The following MSRB3 variants were observed in gnomAD, a reference collection of about 807,000 sequenced individuals.
MSRB3 encodes the protein methionine sulfoxide reductase B3.
Under a neutral mutation model 21.0 loss-of-function variants are expected in MSRB3, and 13 were observed. The observed-to-expected ratio is 0.62, with a 90% confidence interval of 0.40 to 0.98. The LOEUF (loss-of-function observed/expected upper bound fraction) is 0.98, where lower values mean the gene tolerates loss of function less well. MSRB3 is among the 50% of genes least tolerant of loss of function. The pLI is 0.00. For synonymous variants in MSRB3, 87 were observed against 88.6 expected, an observed-to-expected ratio of 0.98 and a Z score of 0.10; for missense variants, 199 against 230.3, an observed-to-expected ratio of 0.86 and a Z score of 0.88.
chr12:65,418,791 G>T, intron 5 of MSRB3: 2 of 961,534 alleles, frequency 2.1e-6, no homozygotes, highest in Non-Finnish European at 3.3e-6. Flanking sequence ...GGCGGGTGGT[G>T]GTCTTTTGGA....
intron 4 of MSRB3, among the ~76,000 whole-genome samples, chr12:65,337,817 T>C (rs1423976425): frequency 6.6e-6 from 1 of 152,222 alleles, no homozygotes; most frequent in South Asian, 2.1e-4. Context: ...TGGTTTCTGT[T>C]GAATAATTTA....
intron 4 of MSRB3, among the ~76,000 whole-genome samples, chr12:65,347,858 G>T (rs138144971): frequency 2.6e-5 from 4 of 152,124 alleles, no homozygotes; most frequent in African/African-American, 4.8e-5. Context: ...GGTTTTTGTC[G>T]TTGGTTCTGT....
chr12:65,431,361 C>T (rs1407961916), intron 5 of MSRB3, among the ~76,000 whole-genome samples: 1 of 152,038 alleles, frequency 6.6e-6, no homozygotes, highest in Admixed American at 6.6e-5. Context: ...GAGGTTTTCA[C>T]TTGCTGCCTA....
intron 1 of MSRB3, among the ~76,000 whole-genome samples, chr12:65,295,409 A>T (rs939685229): frequency 6.6e-6 from 1 of 151,458 alleles, no homozygotes; most frequent in Non-Finnish European, 1.5e-5. Context: ...CCTTTTAAGG[A>T]TTATTTTTAT....
At chr12:65,388,757 G>A (rs1879319867) in intron 5 of MSRB3, among the ~76,000 whole-genome samples, 1 of 152,094 alleles carries the variant, frequency 6.6e-6, no homozygotes, top group Admixed American at 6.6e-5. Context: ...TGTAGTCCCA[G>A]TTACTCAGAA....
intron 1 of MSRB3, among the ~76,000 whole-genome samples, chr12:65,287,569 AT>A: frequency 6.6e-6 from 1 of 152,318 alleles, no homozygotes. Context: ...GTAAGGTCAT[AT>A]CTTCCTGTAA....
intron 5 of MSRB3, among the ~76,000 whole-genome samples, chr12:65,403,326 T>G (rs2336714): frequency 2.0e-5 from 3 of 151,576 alleles, no homozygotes; most frequent in Non-Finnish European, 4.4e-5. Context: ...GCTAGACAGG[T>G]AGTCTTGGCT....
intron 5 of MSRB3, among the ~76,000 whole-genome samples, chr12:65,410,957 G>A (rs989624463): frequency 6.6e-6 from 1 of 152,058 alleles, no homozygotes; most frequent in Non-Finnish European, 1.5e-5. Context: ...TTCCCTCTGT[G>A]AAACTACCCC....
chr12:65,379,934 G>A (rs903411922), intron 5 of MSRB3, among the ~76,000 whole-genome samples: 9 of 152,132 alleles, frequency 5.9e-5, no homozygotes, highest in Non-Finnish European at 1.2e-4. Flanking sequence ...AAGACATGGC[G>A]AAGGACATAT....
intron 1 of MSRB3, chr12:65,306,823 T>G: frequency 2.0e-6 from 2 of 985,212 alleles, no homozygotes; most frequent in Non-Finnish European, 1.2e-6. Context: ...CCTCAGGTTT[T>G]AATTGTAGAA....
intron 4 of MSRB3, among the ~76,000 whole-genome samples, chr12:65,362,390 G>C (rs1261248431): frequency 6.6e-6 from 1 of 152,130 alleles, no homozygotes; most frequent in East Asian, 1.9e-4. Flanking sequence ...GCTCAGGACT[G>C]GATTAAGTGC....
intron 5 of MSRB3, among the ~76,000 whole-genome samples, chr12:65,436,278 A>G (rs941935753): frequency 6.6e-6 from 1 of 151,968 alleles, no homozygotes; most frequent in African/African-American, 2.4e-5. Context: ...ATCATAATAC[A>G]GTCATCACAG....
chr12:65,425,431 C>A (rs955811999), intron 5 of MSRB3, among the ~76,000 whole-genome samples: 1 of 151,920 alleles, frequency 6.6e-6, no homozygotes, highest in East Asian at 1.9e-4. Flanking sequence ...TCATTTTTTC[C>A]TTTCTCTTTT....
At chr12:65,424,487 A>G (rs1881476867) in intron 5 of MSRB3, among the ~76,000 whole-genome samples, 1 of 152,050 alleles carries the variant, frequency 6.6e-6, no homozygotes, top group Non-Finnish European at 1.5e-5. Flanking sequence ...GCTGCATCCG[A>G]TAAGTGTCAG....
At chr12:65,398,514 GTCA>G (rs1879940399) in intron 5 of MSRB3, among the ~76,000 whole-genome samples, 2 of 152,064 alleles carry the variant, frequency 1.3e-5, no homozygotes, top group Admixed American at 1.3e-4. Flanking sequence ...TTAGCCATTT[GTCA>G]GATGGATAGA....
chr12:65,396,590 C>T (rs1362800014), intron 5 of MSRB3, among the ~76,000 whole-genome samples: 1 of 151,700 alleles, frequency 6.6e-6, no homozygotes, highest in African/African-American at 2.4e-5. Context: ...ACTCAGGAGG[C>T]TGAGGCAGGA....
intron 5 of MSRB3, among the ~76,000 whole-genome samples, chr12:65,430,746 A>C (rs193218382): frequency 4.3e-4 from 66 of 152,170 alleles, no homozygotes; most frequent in Non-Finnish European, 4.3e-4. Flanking sequence ...AAATTTGAAG[A>C]CTAAGAACCT....
chr12:65,428,895 C>G (rs1427637836), intron 5 of MSRB3, among the ~76,000 whole-genome samples: 1 of 152,072 alleles, frequency 6.6e-6, no homozygotes. Flanking sequence ...CTTTTTTTCC[C>G]CATAAGATAG....
chr12:65,386,007 CT>C (rs754910150), intron 5 of MSRB3, among the ~76,000 whole-genome samples: 4 of 151,894 alleles, frequency 2.6e-5, no homozygotes, highest in Non-Finnish European at 4.4e-5. Context: ...CTTTAGTACA[CT>C]TTTGTCTCTG....
Sources: gnomAD v4.1 joint callset for allele counts (sites outside exome capture counted in the v4.1 genomes callset) on GRCh38, gnomAD v4.1.1 for gene constraint, MANE v1.5 for transcripts, NCBI Gene and HGNC (gene_info 2026-07-23, HGNC 2026-07-21) for gene names.